The following SERTAD4 variants were observed in gnomAD, a reference collection of about 807,000 sequenced individuals.
SERTAD4 encodes SERTA domain containing 4.
Under a neutral mutation model 32.9 loss-of-function variants are expected in SERTAD4, and 18 were observed. The observed-to-expected ratio is 0.55, with a 90% CI of 0.38 to 0.81. The LOEUF (loss-of-function observed/expected upper bound fraction) is 0.81. Among genes scored for constraint, SERTAD4 ranks in the 30% least tolerant of loss-of-function variants. The pLI is 0.00. For synonymous variants in SERTAD4, 150 were observed against 156.4 expected (o/e 0.96, Z 0.30); for missense variants, 383 against 426.0 (o/e 0.90, Z 0.89).
Position 210,246,076 on chromosome 1 carries a change from G to A in SERTAD4, c.*3739G>A. On this transcript the variant is annotated 3_prime_UTR_variant, in exon 4 of 4. Transcript: ENST00000367012. ...TTTTCAGAGACAAGCATTCAGCATG[G>A]CATTAGTAATGATGGTTTAAACTAG... The A allele has an allele frequency of 4.2e-6, 1 of 240,610 alleles. No individual in the cohort carries two copies. Among genetic ancestry groups the A allele is most frequent in the Non-Finnish European group, 6.7e-6 (1 of 149,172 alleles). 14.9% of individuals were successfully genotyped at this position (240,610 alleles called of 1,614,324 possible). A position where few individuals can be genotyped will look rare whatever the true frequency, so the allele number is the denominator to read the frequency against.
chr1:210,244,922 A>G lies in SERTAD4; in HGVS notation c.*2585A>G, dbSNP rs1266367779. The stretch of plus-strand genomic sequence containing the variant: ...CATTGCAAAAAAAAATTTCTTCACC[A>G]AACACTAATTCCTAAACACCCATCC... On this transcript the variant is annotated 3_prime_UTR_variant, in exon 4 of 4. Transcript: ENST00000367012. 6.6e-6 allele frequency: 1 copy of G among 152,204 alleles called. No individual in the cohort carries two copies. Among genetic ancestry groups the G allele is most frequent in the Non-Finnish European group, 1.5e-5 (1 of 68,044 alleles). The allele number at this position is 152,204 out of a possible 1,614,324, so 9.4% of individuals were successfully genotyped here.
At chr1:210,239,745 CGTT>C (rs372103438) in intron 3 of SERTAD4, 137 bp downstream of exon 3, 10 of 543,416 alleles carry the variant, frequency 1.8e-5, no homozygotes, top group African/African-American at 1.4e-4. Flanking sequence ...CCTCATTAAT[CGTT>C]GTCGCTTTTT....
Position 210,242,029 on chromosome 1 carries a change from A to G in SERTAD4, c.763A>G (p.Lys255Glu). 1 of 1,614,146 alleles carries G rather than the reference A, an allele frequency of 6.2e-7. No individual in the cohort carries two copies. Among genetic ancestry groups the G allele is most frequent in the Non-Finnish European group, 8.5e-7 (1 of 1,180,024 alleles). ...TGATGTAGGTAGTGCATCTATTTAC[A>G]AGAGTGATGGCCAGATACCTGCCAA... ...DFDVGSASIY[K>E]SDGQIPANEI... is the part of the protein sequence containing the mutation. Residue 255 changes from lysine (K) to glutamate (E), a missense_variant, in exon 4 of 4, where the codon AAG becomes GAG. By Grantham distance (56) the Lys-to-Glu change is moderately conservative (BLOSUM62 1). This residue lies in a region of SERTAD4 where 180 missense variants were observed against 190.6 expected (regional missense o/e 0.94). Transcript: ENST00000367012. This position sits in a 1 kb window ranked among gnomAD's most constrained non-coding sequence, Gnocchi z 4.0.
intron 3 of SERTAD4, among the ~76,000 whole-genome samples, chr1:210,241,021 G>C (rs79798305): frequency 0.013 from 2,044 of 152,018 alleles, 56 homozygotes; most frequent in African/African-American, 0.048. Context: ...TATTTGTATA[G>C]ACACACATAA....
rs780450932 is a variant in SERTAD4, at chr1:210,242,308, C to T, written c.1042C>T (p.Leu348=). The T allele has an allele frequency of 1.9e-6, 3 of 1,596,368 alleles. No homozygotes were observed. The highest frequency in any genetic ancestry group is 1.7e-6 in the Non-Finnish European group (2 of 1,173,076). ...KKEASPPSNK[L]CCSKGSKI is the part of the protein sequence containing the mutation. ...GGAGGCTTCACCACCAAGTAACAAACTGTGCTGCAGCAAAGGAAGTAAAAT... is the reference window on the plus strand; with the variant it reads ...GGAGGCTTCACCACCAAGTAACAAATTGTGCTGCAGCAAAGGAAGTAAAAT... Residue 348 remains leucine (L), a synonymous_variant, in exon 4 of 4, where the codon CTG becomes TTG. Coordinates refer to ENST00000367012, the MANE Select transcript of SERTAD4 (RefSeq NM_019605.5). This position sits in a 1 kb window ranked among gnomAD's most constrained non-coding sequence, Gnocchi z 4.0.
chr1:210,238,447 T>C (rs1400968128), intron 2 of SERTAD4, among the ~76,000 whole-genome samples: 1 of 152,266 alleles, frequency 6.6e-6, no homozygotes, highest in African/African-American at 2.4e-5. Flanking sequence ...TTTTCTACCC[T>C]GTGGAACTGT....
At chr1:210,240,848 T>G (rs2083987545) in intron 3 of SERTAD4, among the ~76,000 whole-genome samples, 1 of 152,178 alleles carries the variant, frequency 6.6e-6, no homozygotes, top group Non-Finnish European at 1.5e-5. Flanking sequence ...ATTGCAAGTA[T>G]GAAACCCAAA....
At chr1:210,240,867 A>C (rs1247296518) in intron 3 of SERTAD4, among the ~76,000 whole-genome samples, 5 of 152,246 alleles carry the variant, frequency 3.3e-5, no homozygotes, top group African/African-American at 1.2e-4. Flanking sequence ...AAGGATTAAA[A>C]GAGGGACAGC....
At position 210,243,000 on chromosome 1, in the gene SERTAD4, G is replaced by C; in HGVS notation, c.*663G>C. On this transcript the variant is annotated 3_prime_UTR_variant, in exon 4 of 4. Coordinates refer to ENST00000367012, the MANE Select transcript of SERTAD4 (RefSeq NM_019605.5). The surrounding 1 kb of genome is among the most constrained non-coding windows in gnomAD (Gnocchi z 4.0). ...GAGGCTTTTAGAGAGGTGTTATACA[G>C]GGCGATTTTTGGTGCCTTACTTTTA... is the stretch of plus-strand genomic sequence containing the variant. 1 of 984,774 alleles carries C rather than the reference G, an allele frequency of 1.0e-6. No individual in the cohort carries two copies. The highest frequency in any genetic ancestry group is 1.2e-6 in the Non-Finnish European group (1 of 829,818). 61.0% of individuals were successfully genotyped at this position (984,774 alleles called of 1,614,324 possible).
At chr1:210,233,576 T>G (rs1013274379) in intron 1 of SERTAD4, 3 of 426,172 alleles carry the variant, frequency 7.0e-6, no homozygotes, top group Non-Finnish European at 1.4e-5. Flanking sequence ...CCCCGCACCC[T>G]CCTCCCAGGC....
At chr1:210,241,534 CTT>C (rs77835150) in intron 3 of SERTAD4, 22 bp from the exon 4 acceptor site, 5,301 of 1,068,548 alleles carry the variant, frequency 5.0e-3, no homozygotes, top group South Asian at 0.011. Context: ...TTGTTTTTTT[CTT>C]TTTTTTTTTT....
At position 210,243,345 on chromosome 1, in the gene SERTAD4, G is replaced by A. The variant is rs756067745; in HGVS notation, c.*1008G>A. 1.2e-4 allele frequency: 20 copies of A among 166,380 alleles called. No individual in the cohort carries two copies. The highest frequency in any genetic ancestry group is 2.1e-4 in the Non-Finnish European group (17 of 81,242). 10.3% of individuals were successfully genotyped at this position (166,380 alleles called of 1,614,324 possible). On this transcript the variant is annotated 3_prime_UTR_variant, in exon 4 of 4. Coordinates refer to ENST00000367012, the MANE Select transcript of SERTAD4 (RefSeq NM_019605.5). The stretch of plus-strand genomic sequence containing the variant: ...CTGGGGTTGGGGTTTTCTGGGTTTT[G>A]GGTTGTTTTGTTTTGTTTTCTTGTC...
chr1:210,235,038 G>A (rs920360740), intron 1 of SERTAD4, among the ~76,000 whole-genome samples: 3 of 152,236 alleles, frequency 2.0e-5, no homozygotes, highest in Non-Finnish European at 4.4e-5. Context: ...GAGGATGAAG[G>A]GTTAGGGCTT....
chr1:210,239,560 T>C lies in SERTAD4; in HGVS notation c.243T>C (p.Tyr81=), dbSNP rs777948664. Residue 81 remains tyrosine (Y), a synonymous_variant, in exon 3 of 4, where the codon TAT becomes TAC. Transcript: ENST00000367012. ...AGATCACATACTTTAAGAGGAAGTA[T>C]GTGGAAGAAGAGGATTTTCACCCAC... The part of the protein sequence containing the change: ...TSKITYFKRK[Y]VEEEDFHPPL... 2 of 1,609,684 alleles carry C rather than the reference T, an allele frequency of 1.2e-6. No individual in the cohort carries two copies. Among genetic ancestry groups the C allele is most frequent in the Non-Finnish European group, 1.7e-6 (2 of 1,178,080 alleles).
intron 2 of SERTAD4, 101 bp from the exon 3 acceptor site, chr1:210,239,392 T>A: frequency 1.4e-6 from 1 of 732,458 alleles, no homozygotes. Context: ...GACAAATATG[T>A]AGCCAAGTTA....
In SERTAD4 at chr1:210,236,440, C is replaced by G. The variant is rs550709119; in HGVS notation, c.-17-1504C>G. Among the ~76,000 whole-genome samples the G allele has an allele frequency of 7.9e-5, 12 of 152,258 alleles. No individual in the cohort carries two copies. The South Asian group carries it at 1.9e-3, about 24-fold the overall frequency. On this transcript the variant is annotated intron_variant, in intron 1 of 3. Coordinates refer to ENST00000367012, the MANE Select transcript of SERTAD4 (RefSeq NM_019605.5). ...AGTGTGGTTGGGACAGAATTTGAGA[C>G]CTCAGAGAGAAGACTGGGTGAAAGG... is the stretch of plus-strand genomic sequence containing the variant.
chr1:210,239,496 C>T lies in SERTAD4; in HGVS notation c.179C>T (p.Ser60Leu), dbSNP rs2083974067. 6.4e-7 allele frequency: 1 copy of T among 1,557,564 alleles called. No individual in the cohort carries two copies. The highest frequency in any genetic ancestry group is 1.4e-5 in the African/African-American group (1 of 73,616). ...CATATCTGATTTATTACCACAGGAT[C>T]ACATTACAGGGGAATTTCAAATCCT... ...DRGAGPPLAG[S>L]HYRGISNPIT... Residue 60 changes from serine (S) to leucine (L), a missense_variant, in exon 3 of 4, where the codon TCA becomes TTA. By Grantham distance (145) the Ser-to-Leu change is moderately radical. Transcript: ENST00000367012.
chr1:210,241,546 T>TTGGTTTG lies in SERTAD4; in HGVS notation c.292-11_292-10insGGTTTGT. On this transcript the variant is annotated splice_polypyrimidine_tract_variant and intron_variant, in intron 3 of 3. Coordinates refer to ENST00000367012, the MANE Select transcript of SERTAD4 (RefSeq NM_019605.5). ...TGTTTGTTTTTTTCTTTTTTTTTTT[T>TTGGTTTG]TTGGTTTGTAGACCATCTCAATTTT... 1 of 1,487,434 alleles carries TTGGTTTG rather than the reference T, an allele frequency of 6.7e-7. No homozygotes were observed. The highest frequency in any genetic ancestry group is 8.9e-7 in the Non-Finnish European group (1 of 1,121,548). The allele number at this position is 1,487,434 out of a possible 1,614,324, so 92.1% of individuals were successfully genotyped here. A position where few individuals can be genotyped will look rare whatever the true frequency, so the allele number is the denominator to read the frequency against.
chr1:210,240,205 G>A (rs941382799), intron 3 of SERTAD4, among the ~76,000 whole-genome samples: 4 of 151,966 alleles, frequency 2.6e-5, no homozygotes, highest in Admixed American at 2.0e-4. Context: ...ACAAGATGGG[G>A]AAATTGCATA....
Sources: allele counts gnomAD v4.1 joint callset (sites outside exome capture counted in the v4.1 genomes callset), GRCh38; gene constraint gnomAD v4.1.1; regional missense constraint gnomAD v4.1.1; non-coding constraint Gnocchi (gnomAD v3.1); transcripts MANE v1.5; gene names NCBI Gene and HGNC (gene_info 2026-07-23, HGNC 2026-07-21).